Variants in FAM110B observed in about 807,000 individuals in gnomAD.
The protein encoded by FAM110B is protein FAM110B.
A neutral mutation model predicts 20.4 loss-of-function variants in FAM110B; 6 were observed. That is an observed-to-expected ratio of 0.29 (90% CI 0.16 to 0.58). The LOEUF (loss-of-function observed/expected upper bound fraction) is 0.58. Among genes scored for constraint, FAM110B ranks in the 20% least tolerant of loss-of-function variants. The pLI is 0.90. For synonymous variants in FAM110B, 226 were observed against 214.1 expected (o/e 1.06, Z -0.49); for missense variants, 434 against 498.2 (o/e 0.87, Z 1.23).
chr8:58,036,910 T>C (rs1325984369), intron 2 of FAM110B, among the ~76,000 whole-genome samples: 1 of 152,142 alleles, frequency 6.6e-6, no homozygotes, highest in African/African-American at 2.4e-5. Context: ...AGTACAAGAG[T>C]ATACTGGTTT....
chr8:58,146,425 G>T lies in FAM110B; in HGVS notation c.195G>T (p.Gln65His), dbSNP rs1175129405. 6.2e-7 allele frequency: 1 copy of T among 1,613,964 alleles called. No homozygotes were observed. Residue 65 changes from glutamine (Q) to histidine (H), a missense_variant, in exon 4 of 4, where the codon CAG becomes CAT. By Grantham distance (24) the Gln-to-His change is conservative (BLOSUM62 0). Around this residue, in one of 3 missense-constraint regions of FAM110B, gnomAD observed 284 missense variants for 278.3 expected, o/e 1.02. Coordinates refer to ENST00000519262, the MANE Select transcript of FAM110B (RefSeq NM_001377989.1). ...ACAAGGCCAAGTACGTCAAGAGCCA[G>T]GAGGTGATCAACGCCAAGCAGGAGC... ...EADKAKYVKS[Q>H]EVINAKQEPV...
At chr8:58,127,848 G>C (rs1027024981) in intron 3 of FAM110B, among the ~76,000 whole-genome samples, 2 of 152,112 alleles carry the variant, frequency 1.3e-5, no homozygotes, top group Admixed American at 1.3e-4. Context: ...TGGACAGGAA[G>C]GCTCAACCTA....
chr8:58,001,678 A>C (rs1804299523), intron 1 of FAM110B, among the ~76,000 whole-genome samples: 1 of 152,164 alleles, frequency 6.6e-6, no homozygotes, highest in Non-Finnish European at 1.5e-5. Context: ...AAGGGACCAA[A>C]TCGCAGGGCC....
At chr8:58,126,208 AGTCG>A (rs1432289293) in intron 3 of FAM110B, among the ~76,000 whole-genome samples, 6 of 152,056 alleles carry the variant, frequency 3.9e-5, no homozygotes, top group South Asian at 2.1e-4. Context: ...GATACATCCC[AGTCG>A]TTGCATGCCT....
At chr8:58,044,501 A>G (rs1354265613) in intron 2 of FAM110B, among the ~76,000 whole-genome samples, 3 of 152,244 alleles carry the variant, frequency 2.0e-5, no homozygotes, top group Non-Finnish European at 4.4e-5. Flanking sequence ...TAAAATATCC[A>G]TATAAAAGCA....
intron 1 of FAM110B, among the ~76,000 whole-genome samples, chr8:58,002,684 T>G (rs191308926): frequency 6.6e-6 from 1 of 152,318 alleles, no homozygotes; most frequent in East Asian, 1.9e-4. Context: ...CATATAAAAA[T>G]TATGCTTAAA....
At chr8:58,042,793 A>G (rs1364484602) in intron 2 of FAM110B, among the ~76,000 whole-genome samples, 1 of 152,228 alleles carries the variant, frequency 6.6e-6, no homozygotes, top group Non-Finnish European at 1.5e-5. Context: ...AATCTCCTGG[A>G]TGCTTGCGTA....
At chr8:58,060,426 A>G (rs1730499965) in intron 2 of FAM110B, among the ~76,000 whole-genome samples, 1 of 152,228 alleles carries the variant, frequency 6.6e-6, no homozygotes, top group African/African-American at 2.4e-5. Context: ...GTGAGCACAG[A>G]CTACAGAGTG....
intron 3 of FAM110B, among the ~76,000 whole-genome samples, chr8:58,123,347 C>T (rs919314505): frequency 8.5e-5 from 13 of 152,162 alleles, no homozygotes; most frequent in Admixed American, 3.3e-4. Flanking sequence ...CTCACTTCTC[C>T]CTGGGATCTT....
At chr8:58,045,254 AG>A (rs1805296518) in intron 2 of FAM110B, among the ~76,000 whole-genome samples, 1 of 152,192 alleles carries the variant, frequency 6.6e-6, no homozygotes, top group African/African-American at 2.4e-5. Flanking sequence ...GGGCTGTGGC[AG>A]GGTGTCAGCA....
chr8:57,997,533 G>A (rs190359026), intron 1 of FAM110B, among the ~76,000 whole-genome samples: 1 of 152,256 alleles, frequency 6.6e-6, no homozygotes, highest in African/African-American at 2.4e-5. Context: ...TTAGGAGAGA[G>A]AAACAAATGA....
intron 3 of FAM110B, among the ~76,000 whole-genome samples, chr8:58,079,846 G>A (rs10110195): frequency 0.14 from 21,094 of 152,072 alleles, 3,889 homozygotes; most frequent in African/African-American, 0.42. Context: ...CAGATTCTGT[G>A]TTACTACCTG....
At chr8:58,110,128 T>C (rs1807025262) in intron 3 of FAM110B, among the ~76,000 whole-genome samples, 1 of 152,186 alleles carries the variant, frequency 6.6e-6, no homozygotes, top group East Asian at 1.9e-4. Context: ...GGATTAAGCA[T>C]GCTATTGATT....
intron 3 of FAM110B, among the ~76,000 whole-genome samples, chr8:58,100,226 T>TGC (rs1806743884): frequency 3.3e-5 from 5 of 151,120 alleles, no homozygotes; most frequent in African/African-American, 1.2e-4. Context: ...TTCCCTGGAG[T>TGC]TAATCTGGTG....
At chr8:58,049,117 G>A (rs908681454) in intron 2 of FAM110B, among the ~76,000 whole-genome samples, 4 of 152,030 alleles carry the variant, frequency 2.6e-5, no homozygotes, top group East Asian at 1.9e-4. Context: ...ATTTTAGATT[G>A]CTGGGTCAGG....
At chr8:58,117,811 C>A (rs1020252509) in intron 3 of FAM110B, among the ~76,000 whole-genome samples, 4 of 152,132 alleles carry the variant, frequency 2.6e-5, no homozygotes, top group Non-Finnish European at 5.9e-5. Flanking sequence ...TAAACATAGT[C>A]TATAACCAGA....
chr8:58,003,954 A>G (rs753777073), intron 1 of FAM110B, among the ~76,000 whole-genome samples: 2 of 151,988 alleles, frequency 1.3e-5, no homozygotes, highest in African/African-American at 2.4e-5. Flanking sequence ...CCCTCTAGCT[A>G]TGAAAGTTTT....
intron 3 of FAM110B, among the ~76,000 whole-genome samples, chr8:58,135,652 C>T (rs559055205): frequency 1.3e-5 from 2 of 152,258 alleles, no homozygotes; most frequent in Admixed American, 1.3e-4. Context: ...GTTTACACAG[C>T]TAAAGGAGAA....
intron 3 of FAM110B, among the ~76,000 whole-genome samples, chr8:58,089,326 C>A (rs927897264): frequency 3.3e-5 from 5 of 152,196 alleles, no homozygotes; most frequent in Non-Finnish European, 7.3e-5. Context: ...CTGCTGCTTT[C>A]CCTCTGCTAT....
Sources: gnomAD v4.1 joint callset for allele counts (sites outside exome capture counted in the v4.1 genomes callset) on GRCh38, gnomAD v4.1.1 for gene constraint, gnomAD v4.1.1 regional missense constraint, MANE v1.5 for transcripts, NCBI Gene and HGNC (gene_info 2026-07-23, HGNC 2026-07-21) for gene names.